HTR2C: variants seen among roughly 807,000 people sequenced by gnomAD.
The protein encoded by HTR2C is 5-hydroxytryptamine (serotonin) receptor 2C, G protein-coupled.
Under a neutral mutation model 21.0 loss-of-function variants are expected in HTR2C, and 5 were observed. The ratio of observed to expected loss-of-function variants is 0.24; its 90% CI spans 0.12 to 0.50. The LOEUF (loss-of-function observed/expected upper bound fraction) is 0.50. Among genes scored for constraint, HTR2C ranks in the 20% least tolerant of loss-of-function variants. The pLI, the probability that HTR2C is intolerant of heterozygous loss-of-function variation, is 0.98. For missense variants in HTR2C, 271 were observed against 371.2 expected, an observed-to-expected ratio of 0.73 and a Z score of 2.22; for synonymous variants, 150 against 145.3, an observed-to-expected ratio of 1.03 and a Z score of -0.23.
At chrX:114,704,588 C>G (rs782227558) in intron 2 of HTR2C, among the ~76,000 whole-genome samples, 1 of 111,472 alleles carries the variant, frequency 9.0e-6, no homozygotes, top group Non-Finnish European at 1.9e-5. Flanking sequence ...ATGACAAACC[C>G]ACAGCCAATA....
chrX:114,645,603 T>A (rs1206645568), intron 2 of HTR2C, among the ~76,000 whole-genome samples: 1 of 111,603 alleles, frequency 9.0e-6, no homozygotes. Flanking sequence ...TTAAGGGGAA[T>A]CTTGGATAAT....
chrX:114,731,706 GA>G (rs782463505), intron 4 of HTR2C, 99 bp downstream of exon 4: 2 of 651,493 alleles, frequency 3.1e-6, no homozygotes, highest in East Asian at 3.5e-5. Context: ...GTAACATTTG[GA>G]AAAAGAAAAA....
chrX:114,851,717 A>G (rs2070919161), intron 5 of HTR2C, among the ~76,000 whole-genome samples: 1 of 110,982 alleles, frequency 9.0e-6, no homozygotes, highest in African/African-American at 3.3e-5. Flanking sequence ...ACTCCTTTTC[A>G]TATATCCCAT....
At chrX:114,671,793 C>A in intron 2 of HTR2C, among the ~76,000 whole-genome samples, 1 of 111,722 alleles carries the variant, frequency 9.0e-6, no homozygotes, top group Non-Finnish European at 1.9e-5. Flanking sequence ...TAGGCTGAGG[C>A]ATTAGCATTA....
intron 2 of HTR2C, among the ~76,000 whole-genome samples, chrX:114,693,686 T>G: frequency 9.0e-6 from 1 of 111,225 alleles, no homozygotes; most frequent in East Asian, 2.8e-4. Context: ...TTCAAATATC[T>G]CCTCAGGGAT....
At chrX:114,819,827 G>C (rs1272444778) in intron 4 of HTR2C, among the ~76,000 whole-genome samples, 2 of 112,521 alleles carry the variant, frequency 1.8e-5, no homozygotes, top group Non-Finnish European at 3.8e-5. Context: ...ACCAGTGCTT[G>C]TTTAGCTGCT....
At chrX:114,622,771 A>C (rs1233961290) in intron 2 of HTR2C, among the ~76,000 whole-genome samples, 1 of 112,186 alleles carries the variant, frequency 8.9e-6, no homozygotes, top group Non-Finnish European at 1.9e-5. Context: ...AGTGGGAAGC[A>C]GAGCAAAGGG....
intron 4 of HTR2C, among the ~76,000 whole-genome samples, chrX:114,830,155 T>C (rs782303352): frequency 7.2e-5 from 8 of 111,567 alleles, no homozygotes; most frequent in Non-Finnish European, 1.5e-4. Flanking sequence ...TCCTGGTGTA[T>C]AGTGGTGTTG....
chrX:114,847,994 C>T lies in HTR2C; in HGVS notation c.350-9C>T. The T allele has an allele frequency of 8.4e-7, 1 of 1,189,820 alleles. No homozygotes were observed. The highest frequency in any genetic ancestry group is 1.1e-6 in the Non-Finnish European group (1 of 876,850). The stretch of plus-strand genomic sequence containing the variant: ...GACGTGTTCTTGTCTTCTCTCTGTT[C>T]TCTTTCAGATTATGTCTGGCCACTA... On this transcript the variant is annotated splice_polypyrimidine_tract_variant and intron_variant, in intron 4 of 5. Transcript: ENST00000276198.
chrX:114,744,958 A>G (rs1233976482), intron 4 of HTR2C, among the ~76,000 whole-genome samples: 4 of 112,063 alleles, frequency 3.6e-5, no homozygotes, highest in Non-Finnish European at 7.5e-5. Flanking sequence ...ATAAACTCCC[A>G]AAGATTGCAT....
chrX:114,668,314 T>C (rs782532587), intron 2 of HTR2C, among the ~76,000 whole-genome samples: 9 of 111,936 alleles, frequency 8.0e-5, no homozygotes, highest in African/African-American at 2.9e-4. Flanking sequence ...CTTTACACAA[T>C]AGGCTTGAGG....
intron 2 of HTR2C, among the ~76,000 whole-genome samples, chrX:114,631,253 C>A (rs182077911): frequency 1.6e-3 from 171 of 109,107 alleles, no homozygotes; most frequent in African/African-American, 5.5e-3. Context: ...TTGCAGTGAG[C>A]CGAGATCGCG....
At chrX:114,675,725 CA>C (rs1299122922) in intron 2 of HTR2C, among the ~76,000 whole-genome samples, 2 of 111,843 alleles carry the variant, frequency 1.8e-5, no homozygotes, top group Non-Finnish European at 3.8e-5. Context: ...TGTAGCTTCC[CA>C]ATGTGCCAGA....
chrX:114,604,492 G>A (rs1928303338), intron 1 of HTR2C, among the ~76,000 whole-genome samples: 1 of 110,027 alleles, frequency 9.1e-6, no homozygotes, highest in African/African-American at 3.3e-5. Flanking sequence ...ACCTTCCACT[G>A]TGAGAGTTAC....
intron 4 of HTR2C, among the ~76,000 whole-genome samples, chrX:114,789,453 A>G (rs1556442927): frequency 1.8e-5 from 2 of 112,052 alleles, no homozygotes; most frequent in African/African-American, 6.5e-5. Context: ...AAAGCTTTCG[A>G]AAGTGTCATT....
At chrX:114,846,563 A>T (rs1284665439) in intron 4 of HTR2C, among the ~76,000 whole-genome samples, 1 of 112,325 alleles carries the variant, frequency 8.9e-6, no homozygotes, top group East Asian at 2.8e-4. Flanking sequence ...TGCAAACCAC[A>T]TGATTATGTC....
intron 4 of HTR2C, among the ~76,000 whole-genome samples, chrX:114,799,582 T>C (rs2070326667): frequency 9.0e-6 from 1 of 111,035 alleles, no homozygotes; most frequent in Non-Finnish European, 1.9e-5. Context: ...TAAGCCTTTT[T>C]CAATATCTTA....
rs1556448698 is a variant in HTR2C, at chrX:114,805,698, C to CT, written c.350-42305_350-42304insT. ...CCATATATATACCATATATATACAC[C>CT]ATATATATACCATATATATACCATA... On this transcript the variant is annotated intron_variant, in intron 4 of 5. Coordinates refer to ENST00000276198, the MANE Select transcript of HTR2C (RefSeq NM_000868.4). Among the ~76,000 whole-genome samples, 168 of 56,685 alleles carry CT rather than the reference C, an allele frequency of 3.0e-3. 45 individuals are homozygous for CT. Among genetic ancestry groups the CT allele is most frequent in the African/African-American group, 0.013 (161 of 12,226 alleles). The allele number at this position is 56,685 out of a possible 115,157, so 49.2% of individuals were successfully genotyped here. A position where few individuals can be genotyped will look rare whatever the true frequency, so the allele number is the denominator to read the frequency against.
At chrX:114,853,999 A>G (rs1056381087) in intron 5 of HTR2C, among the ~76,000 whole-genome samples, 1 of 111,710 alleles carries the variant, frequency 9.0e-6, no homozygotes, top group South Asian at 3.7e-4. Context: ...CTGTCTTCCA[A>G]ACTTTACTGC....
Sources: gnomAD v4.1 joint callset for allele counts (sites outside exome capture counted in the v4.1 genomes callset) on GRCh38, gnomAD v4.1.1 for gene constraint, MANE v1.5 for transcripts, NCBI Gene and HGNC (gene_info 2026-07-23, HGNC 2026-07-21) for gene names.